CRYBG1: variants seen among roughly 807,000 people sequenced by gnomAD.
CRYBG1 encodes crystallin beta-gamma domain containing 1.
In CRYBG1, 139 loss-of-function variants were observed where a neutral mutation model predicts 189.2. The observed-to-expected ratio is 0.73, with a 90% CI of 0.64 to 0.85. The LOEUF is 0.85. CRYBG1 is among the 40% of genes least tolerant of loss of function. The pLI, the probability that CRYBG1 is intolerant of heterozygous loss-of-function variation, is 0.00. For synonymous variants in CRYBG1, 1,023 were observed against 1,017.1 expected, an observed-to-expected ratio of 1.01 and a Z score of -0.11; for missense variants, 2,611 against 2,675.8, an observed-to-expected ratio of 0.98 and a Z score of 0.53.
chr6:106,568,053 C>T (rs1253590614), intron 21 of CRYBG1, among the ~76,000 whole-genome samples: 1 of 148,614 alleles, frequency 6.7e-6, no homozygotes, highest in African/African-American at 2.6e-5. Context: ...GCCAGGACTA[C>T]CTGCTCTTTC....
chr6:106,388,376 A>G (rs1219324727), intron 1 of CRYBG1, among the ~76,000 whole-genome samples: 1 of 152,114 alleles, frequency 6.6e-6, no homozygotes, highest in African/African-American at 2.4e-5. Context: ...GGAAGGAGAG[A>G]GTTGATCCCC....
rs146370717 is a variant in CRYBG1 at position 106,420,727 on chromosome 6, G to A, written c.174-30967G>A. On this transcript the variant is annotated intron_variant, in intron 1 of 21. Coordinates refer to ENST00000633556, the MANE Select transcript of CRYBG1 (RefSeq NM_001371242.2). ...GTCTGGCTGGTCTGAGTGCAGTGGT[G>A]TTTACAACTAATTGATCACAACCAG... 2.6e-5 allele frequency: 4 copies of A among 153,100 alleles called. No homozygotes were observed. In the East Asian group the frequency reaches 7.7e-4, roughly 30 times the overall value. 9.5% of individuals were successfully genotyped at this position (153,100 alleles called of 1,614,324 possible). A position where few individuals can be genotyped will look rare whatever the true frequency, so the allele number is the denominator to read the frequency against.
At chr6:106,495,334 G>A (rs892063846) in intron 2 of CRYBG1, among the ~76,000 whole-genome samples, 2 of 152,038 alleles carry the variant, frequency 1.3e-5, no homozygotes, top group African/African-American at 4.8e-5. Context: ...GATTGATATG[G>A]TAATGCACAC....
intron 2 of CRYBG1, among the ~76,000 whole-genome samples, chr6:106,468,043 AT>A (rs1196478786): frequency 1.1e-4 from 17 of 152,338 alleles, no homozygotes; most frequent in Middle Eastern, 6.8e-3. Context: ...TAAGTGTTGA[AT>A]AAATGGTGAG....
intron 1 of CRYBG1, among the ~76,000 whole-genome samples, chr6:106,367,403 A>G: frequency 6.6e-6 from 1 of 151,750 alleles, no homozygotes; most frequent in East Asian, 2.0e-4. Flanking sequence ...CCTGGTCAAC[A>G]TGGTGAAACC....
At chr6:106,422,328 A>AT (rs1461357873) in intron 1 of CRYBG1, among the ~76,000 whole-genome samples, 1 of 111,568 alleles carries the variant, frequency 9.0e-6, no homozygotes, top group Non-Finnish European at 1.9e-5. Context: ...TTTGTTATTT[A>AT]TTTATTTATT....
intron 8 of CRYBG1, among the ~76,000 whole-genome samples, chr6:106,532,663 G>C (rs1278758304): frequency 6.6e-6 from 1 of 152,108 alleles, no homozygotes; most frequent in Admixed American, 6.6e-5. Context: ...CTTGAGTGAT[G>C]TTGAACATTT....
intron 2 of CRYBG1, among the ~76,000 whole-genome samples, chr6:106,478,755 T>A (rs1221988363): frequency 6.6e-6 from 1 of 152,126 alleles, no homozygotes; most frequent in Non-Finnish European, 1.5e-5. Context: ...CCATTCCCCA[T>A]CACTTGCATT....
chr6:106,409,499 C>A (rs754146080), intron 1 of CRYBG1, among the ~76,000 whole-genome samples: 7 of 149,268 alleles, frequency 4.7e-5, no homozygotes, highest in Non-Finnish European at 1.0e-4. Flanking sequence ...CATTGACTTT[C>A]TTCACAGAAT....
intron 2 of CRYBG1, among the ~76,000 whole-genome samples, chr6:106,483,401 T>TATGTATATATATATA: frequency 1.0e-5 from 1 of 95,598 alleles, no homozygotes; most frequent in Non-Finnish European, 2.5e-5. Context: ...GATATATATA[T>TATGTATATATATATA]AAAACATTTT....
Position 106,520,195 on chromosome 6 carries a change from T to A in CRYBG1, c.2987T>A (p.Val996Glu). The A allele has an allele frequency of 6.2e-7, 1 of 1,614,032 alleles. No homozygotes were observed. The highest frequency in any genetic ancestry group is 1.3e-5 in the African/African-American group (1 of 74,984). ...LPTCHSNEPE[V>E]VSVASCAPPQ... Reference sequence around the variant, plus strand: ...ACTTGTCACAGTAATGAACCTGAAGTGGTTTCCGTTGCAAGTTGTGCTCCC... The same window carrying A: ...ACTTGTCACAGTAATGAACCTGAAGAGGTTTCCGTTGCAAGTTGTGCTCCC... The change falls in exon 4 of 22, where the codon GTG becomes GAG. Residue 996 changes from valine to glutamate, a missense_variant. By Grantham distance (121) the Val-to-Glu change is moderately radical. This residue lies in a region of CRYBG1 where 1,622 missense variants were observed against 1,735.0 expected (regional missense o/e 0.93). Transcript: ENST00000633556.
intron 2 of CRYBG1, among the ~76,000 whole-genome samples, chr6:106,494,395 A>G (rs971800489): frequency 6.6e-6 from 1 of 152,210 alleles, no homozygotes; most frequent in Non-Finnish European, 1.5e-5. Flanking sequence ...TGTGCTTTCT[A>G]CCACAGTTAA....
At chr6:106,463,605 A>C (rs1160774879) in intron 2 of CRYBG1, among the ~76,000 whole-genome samples, 1 of 152,248 alleles carries the variant, frequency 6.6e-6, no homozygotes, top group Non-Finnish European at 1.5e-5. Context: ...ACACTTTTGA[A>C]AAACATCTGA....
chr6:106,517,657 C>G (rs1773473224), intron 3 of CRYBG1, among the ~76,000 whole-genome samples: 1 of 151,914 alleles, frequency 6.6e-6, no homozygotes, highest in African/African-American at 2.4e-5. Context: ...AACTGCAGCC[C>G]TTGAAGAGAA....
chr6:106,459,441 C>A (rs1771956899), intron 2 of CRYBG1, among the ~76,000 whole-genome samples: 1 of 151,784 alleles, frequency 6.6e-6, no homozygotes, highest in Non-Finnish European at 1.5e-5. Flanking sequence ...AAAATAAAGA[C>A]TTAAATTCTT....
In CRYBG1 at chr6:106,571,994, ATT is replaced by A. The variant is rs1775076514; in HGVS notation, c.*3430_*3431del. On this transcript the variant is annotated 3_prime_UTR_variant, in exon 22 of 22. Transcript: ENST00000633556. ...TCAACAATCACTAAACTGCATTTTT[ATT>A]TAAACAACATTAATTACAGTCTTTC... 13 of 1,608,580 alleles carry A rather than the reference ATT, an allele frequency of 8.1e-6. No individual in the cohort carries two copies. Among genetic ancestry groups the A allele is most frequent in the Non-Finnish European group, 1.1e-5 (13 of 1,175,566 alleles).
chr6:106,458,566 T>C (rs935267265), intron 2 of CRYBG1, among the ~76,000 whole-genome samples: 1 of 152,086 alleles, frequency 6.6e-6, no homozygotes. Context: ...TATTTATAAA[T>C]TTTTTTTCAT....
At chr6:106,412,231 CA>C (rs1323705468) in intron 1 of CRYBG1, among the ~76,000 whole-genome samples, 1 of 152,246 alleles carries the variant, frequency 6.6e-6, no homozygotes, top group Non-Finnish European at 1.5e-5. Context: ...CTGGTGCTGA[CA>C]TTAAAGACCC....
intron 2 of CRYBG1, among the ~76,000 whole-genome samples, chr6:106,498,630 T>C (rs923635358): frequency 1.3e-5 from 2 of 152,054 alleles, no homozygotes; most frequent in Admixed American, 6.6e-5. Context: ...ATCCTAGCAG[T>C]TTGGGAGGCT....
Sources: gnomAD v4.1 joint callset for allele counts (sites outside exome capture counted in the v4.1 genomes callset) on GRCh38, gnomAD v4.1.1 for gene constraint, gnomAD v4.1.1 regional missense constraint, MANE v1.5 for transcripts, NCBI Gene and HGNC (gene_info 2026-07-23, HGNC 2026-07-21) for gene names.